Variants in ASCC1 observed in about 807,000 individuals in gnomAD.
The protein encoded by ASCC1 is activating signal cointegrator 1 complex subunit 1, also known as ASC-1 complex subunit P50.
Under a neutral mutation model 46.6 loss-of-function variants are expected in ASCC1, and 35 were observed. The observed-to-expected ratio is 0.75, with a 90% CI of 0.57 to 0.99. The LOEUF is 0.99. ASCC1 is among the 50% of genes least tolerant of loss of function. ASCC1 has a pLI of 0.00. For missense variants in ASCC1, 376 were observed against 428.7 expected (o/e 0.88, Z 1.09); for synonymous variants, 143 against 146.6 (o/e 0.98, Z 0.18).
intron 6 of ASCC1, 90 bp downstream of exon 6, chr10:72,161,448 T>C (rs1294934806): frequency 1.4e-5 from 22 of 1,548,246 alleles, no homozygotes; most frequent in Non-Finnish European, 1.8e-5. Context: ...TCCCATGTTA[T>C]ACACCCTCTG....
chr10:72,194,713 T>C (rs181675634), intron 5 of ASCC1, among the ~76,000 whole-genome samples: 294 of 152,288 alleles, frequency 1.9e-3, no homozygotes, highest in Middle Eastern at 3.4e-3. Context: ...GAACAGTTAA[T>C]GAAATCAGAT....
chr10:72,116,079 T>A (rs1338120398), intron 9 of ASCC1, among the ~76,000 whole-genome samples: 5 of 152,234 alleles, frequency 3.3e-5, no homozygotes, highest in Non-Finnish European at 5.9e-5. Flanking sequence ...TAAACACACG[T>A]ACACCCCAAA....
intron 3 of ASCC1, among the ~76,000 whole-genome samples, chr10:72,205,801 A>T (rs1249477956): frequency 1.3e-5 from 2 of 151,744 alleles, no homozygotes; most frequent in African/African-American, 4.8e-5. Flanking sequence ...GTCTCAAAAA[A>T]ATAACTAAAT....
chr10:72,182,142 T>G (rs1268185482), intron 5 of ASCC1, among the ~76,000 whole-genome samples: 1 of 152,116 alleles, frequency 6.6e-6, no homozygotes, highest in Non-Finnish European at 1.5e-5. Flanking sequence ...CATTCCCCCA[T>G]GGACATATCA....
At chr10:72,203,318 T>C (rs952621911) in intron 4 of ASCC1, 109 bp downstream of exon 4, 8 of 820,470 alleles carry the variant, frequency 9.8e-6, no homozygotes, top group Non-Finnish European at 1.6e-5. Context: ...AAAAAGCCCA[T>C]AGCTAGAACC....
chr10:72,177,479 T>C (rs1033236435), intron 5 of ASCC1, among the ~76,000 whole-genome samples: 1 of 152,200 alleles, frequency 6.6e-6, no homozygotes, highest in African/African-American at 2.4e-5. Context: ...GCAGACCCAT[T>C]ACCCATTCTG....
At chr10:72,113,605 T>A (rs1478606161) in intron 9 of ASCC1, among the ~76,000 whole-genome samples, 1 of 152,232 alleles carries the variant, frequency 6.6e-6, no homozygotes, top group Admixed American at 6.5e-5. Context: ...AAACACAGCT[T>A]AGATTTGAAT....
intron 5 of ASCC1, among the ~76,000 whole-genome samples, chr10:72,184,984 G>A (rs777167877): frequency 5.3e-5 from 8 of 151,968 alleles, no homozygotes; most frequent in Non-Finnish European, 7.4e-5. Context: ...CTTCACAAAG[G>A]CAGATACACA....
At position 72,096,869 on chromosome 10, in the gene ASCC1, G is replaced by C. The variant is rs575914007; in HGVS notation, c.*465C>G. 80 of 454,126 alleles carry C rather than the reference G, an allele frequency of 1.8e-4. No homozygotes were observed. The highest frequency in any genetic ancestry group is 1.1e-3 in the South Asian group (68 of 64,470). The allele number at this position is 454,126 out of a possible 1,614,324, so 28.1% of individuals were successfully genotyped here. A position where few individuals can be genotyped will look rare whatever the true frequency, so the allele number is the denominator to read the frequency against. On this transcript the variant is annotated 3_prime_UTR_variant, in exon 10 of 10. Coordinates refer to ENST00000672957, the MANE Select transcript of ASCC1 (RefSeq NM_001198800.3). ...GAGATACTGAGAATAGTCAAAACCA[G>C]AGAGACAGAAAGCAGAATGGTGGCT... is the stretch of plus-strand genomic sequence containing the variant.
At chr10:72,128,700 C>A (rs1490600861) in intron 8 of ASCC1, among the ~76,000 whole-genome samples, 6 of 152,200 alleles carry the variant, frequency 3.9e-5, no homozygotes, top group Admixed American at 1.3e-4. Flanking sequence ...ATATTCTACA[C>A]AGGAATGCAG....
intron 9 of ASCC1, among the ~76,000 whole-genome samples, chr10:72,104,231 G>A (rs900336378): frequency 6.6e-6 from 1 of 152,132 alleles, no homozygotes; most frequent in Non-Finnish European, 1.5e-5. Flanking sequence ...TAGCCACAGT[G>A]AGGAACGCTG....
intron 9 of ASCC1, among the ~76,000 whole-genome samples, chr10:72,103,698 C>A (rs1842047833): frequency 6.6e-6 from 1 of 152,058 alleles, no homozygotes. Context: ...GTCATAAGAC[C>A]CTCATTCGAC....
At chr10:72,133,871 T>C (rs1845883820) in intron 7 of ASCC1, 1 of 153,354 alleles carries the variant, frequency 6.5e-6, no homozygotes, top group African/African-American at 2.4e-5. Flanking sequence ...GCACTTTTTA[T>C]CTGTTAAATC....
chr10:72,132,575 G>A lies in ASCC1; in HGVS notation c.871+482C>T, dbSNP rs183479945. ...TAGAGTGTTAGACAGCACCCACTAG[G>A]TGCCAGCAGCAACCCATCTCCAGCT... On this transcript the variant is annotated intron_variant, in intron 8 of 9. Coordinates refer to ENST00000672957, the MANE Select transcript of ASCC1 (RefSeq NM_001198800.3). Among the ~76,000 whole-genome samples the A allele has an allele frequency of 1.3e-3, 198 of 152,182 alleles. 4 individuals are homozygous for A. The highest frequency in any genetic ancestry group is 0.011 in the Admixed American group (166 of 15,286).
chr10:72,179,834 A>G (rs1203960729), intron 5 of ASCC1, among the ~76,000 whole-genome samples: 1 of 152,192 alleles, frequency 6.6e-6, no homozygotes, highest in Non-Finnish European at 1.5e-5. Flanking sequence ...CTAATTTACA[A>G]TATTATAGAT....
chr10:72,171,655 G>C (rs565366747), intron 5 of ASCC1, among the ~76,000 whole-genome samples: 8 of 152,260 alleles, frequency 5.3e-5, no homozygotes, highest in African/African-American at 1.9e-4. Flanking sequence ...GACCTCAAGT[G>C]ATCTGCCCAC....
chr10:72,180,561 G>C (rs574715839), intron 5 of ASCC1, among the ~76,000 whole-genome samples: 1 of 152,286 alleles, frequency 6.6e-6, no homozygotes, highest in South Asian at 2.1e-4. Flanking sequence ...AGGAGGCGGA[G>C]GTTGCAGTGA....
chr10:72,196,096 A>G (rs1205535894), intron 5 of ASCC1, among the ~76,000 whole-genome samples: 1 of 152,098 alleles, frequency 6.6e-6, no homozygotes, highest in Admixed American at 6.6e-5. Context: ...CCTGGTCACA[A>G]GCATTTCACT....
Position 72,210,655 on chromosome 10 carries a change from T to C in ASCC1, c.212+77A>G. 2.6e-6 allele frequency: 3 copies of C among 1,151,174 alleles called. No homozygotes were observed. The South Asian group carries it at 3.8e-5, about 14-fold the overall frequency. 71.3% of individuals were successfully genotyped at this position (1,151,174 alleles called of 1,614,324 possible). A position where few individuals can be genotyped will look rare whatever the true frequency, so the allele number is the denominator to read the frequency against. ...TAGTAATCAAGCACTGCAATAAGTA[T>C]GGAAGACCAAAGGGTCCACTTCCCG... On this transcript the variant is annotated intron_variant, in intron 3 of 9. Coordinates refer to ENST00000672957, the MANE Select transcript of ASCC1 (RefSeq NM_001198800.3).
Sources: gnomAD v4.1 joint callset for allele counts (sites outside exome capture counted in the v4.1 genomes callset) on GRCh38, gnomAD v4.1.1 for gene constraint, MANE v1.5 for transcripts, NCBI Gene and HGNC (gene_info 2026-07-23, HGNC 2026-07-21) for gene names.